The following CCDC158 variants were observed in gnomAD, a reference collection of about 807,000 sequenced individuals.
The protein encoded by CCDC158 is coiled-coil domain containing 158.
In CCDC158, 116 loss-of-function variants were observed where a neutral mutation model predicts 138.6. The observed-to-expected ratio is 0.84, with a 90% CI of 0.72 to 0.98. CCDC158 has a LOEUF of 0.98. Among genes scored for constraint, CCDC158 ranks in the 50% least tolerant of loss-of-function variants. The probability of loss-of-function intolerance (pLI) is 0.00; values close to 1 mark genes in which losing one functional copy is unlikely to be tolerated. For missense variants in CCDC158, 1,265 were observed against 1,306.1 expected (o/e 0.97, Z 0.48); for synonymous variants, 436 against 442.4 (o/e 0.99, Z 0.18).
At chr4:76,416,112 G>A (rs1320066017) in intron 1 of CCDC158, among the ~76,000 whole-genome samples, 2 of 152,090 alleles carry the variant, frequency 1.3e-5, no homozygotes, top group South Asian at 2.1e-4. Flanking sequence ...TCTCTGATAA[G>A]CAGAAATAAT....
At chr4:76,403,788 C>T (rs778700762) in intron 2 of CCDC158, among the ~76,000 whole-genome samples, 1 of 152,180 alleles carries the variant, frequency 6.6e-6, no homozygotes, top group Non-Finnish European at 1.5e-5. Flanking sequence ...CCTAGCATCA[C>T]TGGAAGACAG....
At chr4:76,398,285 T>C (rs577093032) in intron 3 of CCDC158, among the ~76,000 whole-genome samples, 2 of 152,218 alleles carry the variant, frequency 1.3e-5, no homozygotes, top group African/African-American at 2.4e-5. Flanking sequence ...AGATACACTA[T>C]AGATTACATA....
At chr4:76,390,875 G>C (rs1727247062) in intron 4 of CCDC158, among the ~76,000 whole-genome samples, 1 of 151,920 alleles carries the variant, frequency 6.6e-6, no homozygotes, top group Admixed American at 6.6e-5. Flanking sequence ...AAAACCATAA[G>C]AAGAGACAAA....
At chr4:76,364,782 ACTG>A (rs1310074945) in intron 12 of CCDC158, among the ~76,000 whole-genome samples, 1 of 152,234 alleles carries the variant, frequency 6.6e-6, no homozygotes, top group Non-Finnish European at 1.5e-5. Flanking sequence ...ATGCAATTTG[ACTG>A]CTATAGCAGC....
rs950170281 is a variant in CCDC158, at chr4:76,383,534, G to A, written c.803+128C>T. Reference sequence around the variant, plus strand: ...TCAGGAAAACAAAATGTTAACATGAGTTTCCTATAAACCTATAAAAAAACT... The same window carrying A: ...TCAGGAAAACAAAATGTTAACATGAATTTCCTATAAACCTATAAAAAAACT... On this transcript the variant is annotated intron_variant, in intron 7 of 24. Coordinates refer to ENST00000682701, the MANE Select transcript of CCDC158 (RefSeq NM_001394954.1). 1.2e-5 allele frequency: 8 copies of A among 647,902 alleles called. No individual in the cohort carries two copies. In the Admixed American group the frequency reaches 1.4e-4, roughly 11 times the overall value. 40.1% of individuals were successfully genotyped at this position (647,902 alleles called of 1,614,324 possible).
At chr4:76,333,695 A>G (rs1380593561) in intron 19 of CCDC158, among the ~76,000 whole-genome samples, 2 of 152,184 alleles carry the variant, frequency 1.3e-5, no homozygotes, top group African/African-American at 4.8e-5. Context: ...GGATAAATAA[A>G]CCCTGCTCTG....
intron 9 of CCDC158, 90 bp downstream of exon 9, chr4:76,379,200 A>G: frequency 1.6e-6 from 1 of 618,838 alleles, no homozygotes; most frequent in Non-Finnish European, 2.6e-6. Context: ...AATTACTTTG[A>G]TTCCTTATTT....
At chr4:76,343,950 A>AGG (rs1722299266) in intron 18 of CCDC158, among the ~76,000 whole-genome samples, 1 of 152,190 alleles carries the variant, frequency 6.6e-6, no homozygotes, top group South Asian at 2.1e-4. Context: ...GCACAAGAGA[A>AGG]GGATGCCCTC....
intron 12 of CCDC158, among the ~76,000 whole-genome samples, chr4:76,364,266 G>C (rs77383338): frequency 0.011 from 1,639 of 152,234 alleles, 27 homozygotes; most frequent in African/African-American, 0.038. Flanking sequence ...CTGCAGGTCT[G>C]GACTGCCATC....
intron 10 of CCDC158, among the ~76,000 whole-genome samples, 195 bp downstream of exon 10, chr4:76,371,222 C>T (rs1313496037): frequency 6.6e-6 from 1 of 152,076 alleles, no homozygotes; most frequent in Non-Finnish European, 1.5e-5. Flanking sequence ...AATAGCTCTG[C>T]TTAAGAAAAA....
At chr4:76,383,590 A>T (rs1041749145) in intron 7 of CCDC158, 72 bp downstream of exon 7, 1 of 1,070,838 alleles carries the variant, frequency 9.3e-7, no homozygotes, top group African/African-American at 1.6e-5. Context: ...AGATTTTGGA[A>T]TTGTGGCCGA....
At chr4:76,407,358 A>G (rs766177620) in intron 2 of CCDC158, 4 of 152,182 alleles carry the variant, frequency 2.6e-5, no homozygotes, top group Non-Finnish European at 4.4e-5. Flanking sequence ...ATAAAGAATT[A>G]TAACAAATAG....
intron 22 of CCDC158, among the ~76,000 whole-genome samples, chr4:76,326,405 T>A (rs1338678954): frequency 1.3e-5 from 2 of 152,030 alleles, no homozygotes; most frequent in Non-Finnish European, 2.9e-5. Context: ...ACCAGGCATA[T>A]AAGGAGACAA....
chr4:76,420,837 C>T (rs891666748), intron 1 of CCDC158, among the ~76,000 whole-genome samples, 128 bp downstream of exon 1: 2 of 152,214 alleles, frequency 1.3e-5, no homozygotes, highest in Non-Finnish European at 2.9e-5. Flanking sequence ...TATTGGGCAT[C>T]TTCCATGTGC....
intron 9 of CCDC158, among the ~76,000 whole-genome samples, chr4:76,373,843 C>T (rs564452986): frequency 3.9e-5 from 6 of 152,182 alleles, no homozygotes; most frequent in African/African-American, 7.2e-5. Flanking sequence ...ATTAAGTACA[C>T]GTAAAATATT....
chr4:76,382,422 A>C (rs565514741), intron 8 of CCDC158, among the ~76,000 whole-genome samples, 188 bp downstream of exon 8: 1 of 152,040 alleles, frequency 6.6e-6, no homozygotes, highest in African/African-American at 2.4e-5. Flanking sequence ...TTGCAAAAAT[A>C]CTTCTTATAT....
At chr4:76,351,349 C>T (rs996676529) in intron 17 of CCDC158, among the ~76,000 whole-genome samples, 1 of 151,986 alleles carries the variant, frequency 6.6e-6, no homozygotes, top group Non-Finnish European at 1.5e-5. Flanking sequence ...TTTTGCTATT[C>T]CCCAAACAAG....
intron 4 of CCDC158, 147 bp downstream of exon 4, chr4:76,396,122 G>T: frequency 2.1e-6 from 1 of 475,398 alleles, no homozygotes; most frequent in Non-Finnish European, 3.7e-6. Context: ...AAAATAGAAG[G>T]CACAGGTCAA....
At chr4:76,319,138 G>A (rs1719700455) in intron 24 of CCDC158, among the ~76,000 whole-genome samples, 1 of 152,076 alleles carries the variant, frequency 6.6e-6, no homozygotes, top group African/African-American at 2.4e-5. Flanking sequence ...CAGGCGTGCT[G>A]GTGGGCGCCT....
Sources: gnomAD v4.1 joint callset for allele counts (sites outside exome capture counted in the v4.1 genomes callset) on GRCh38, gnomAD v4.1.1 for gene constraint, MANE v1.5 for transcripts, NCBI Gene and HGNC (gene_info 2026-07-23, HGNC 2026-07-21) for gene names.